COX18: variants seen among roughly 807,000 people sequenced by gnomAD.
The protein encoded by COX18 is cytochrome c oxidase assembly factor COX18.
Under a neutral mutation model 38.0 loss-of-function variants are expected in COX18, and 45 were observed. The observed-to-expected ratio is 1.18, with a 90% CI of 0.93 to 1.52. COX18 has a LOEUF of 1.52. COX18 is among the 40% of genes most tolerant of loss of function. COX18 has a pLI of 0.00. For synonymous variants in COX18, 177 were observed against 169.8 expected (o/e 1.04, Z -0.33); for missense variants, 462 against 423.8 (o/e 1.09, Z -0.79).
intron 2 of COX18, 100 bp from the exon 3 acceptor site, chr4:73,065,513 C>G (rs1051547831): frequency 1.6e-5 from 17 of 1,039,762 alleles, no homozygotes; most frequent in Non-Finnish European, 2.1e-5. Flanking sequence ...TAGTTATTAG[C>G]TAAAGGATTT....
chr4:73,058,762 T>G (rs1352967145), intron 5 of COX18, among the ~76,000 whole-genome samples: 1 of 152,336 alleles, frequency 6.6e-6, no homozygotes, highest in Middle Eastern at 3.4e-3. Flanking sequence ...GAATGCATTT[T>G]CTTTGCCTTC....
intron 4 of COX18, among the ~76,000 whole-genome samples, chr4:73,063,655 C>A (rs926279681): frequency 6.6e-6 from 1 of 152,206 alleles, no homozygotes; most frequent in African/African-American, 2.4e-5. Flanking sequence ...CTTCTTTCTA[C>A]CAAATATTCA....
At position 73,053,314 on chromosome 4, in the gene COX18, T is replaced by G. The variant is rs1233017130; in HGVS notation, c.*4800A>C. 2 of 151,750 alleles carry G rather than the reference T, an allele frequency of 1.3e-5. No individual in the cohort carries two copies. The highest frequency in any genetic ancestry group is 2.9e-5 in the Non-Finnish European group (2 of 67,988). The allele number at this position is 151,750 out of a possible 1,614,324, so 9.4% of individuals were successfully genotyped here. A position where few individuals can be genotyped will look rare whatever the true frequency, so the allele number is the denominator to read the frequency against. ...AGAATGTAGAGGAGGAGTCAGCCCA[T>G]AAAAGGGAAGAAAGTTTCGTTATTG... On this transcript the variant is annotated 3_prime_UTR_variant, in exon 6 of 6. Transcript: ENST00000507544.
At position 73,069,630 on chromosome 4, in the gene COX18, C is replaced by A. The variant is rs760044421; in HGVS notation, c.20G>T (p.Gly7Val). MLCRLG[G>V]RWLRPLPALQ... ...GGCAGGGAGCGGCCGCAGCCACCGA[C>A]CGCCGAGCCGGCACAGCATTTCTGC... Residue 7 changes from glycine to valine, a missense_variant, in exon 1 of 6, where the codon GGT becomes GTT. By Grantham distance (109) the Gly-to-Val change is moderately radical. Transcript: ENST00000507544. 52 of 1,549,192 alleles carry A rather than the reference C, an allele frequency of 3.4e-5. No individual in the cohort carries two copies. Among genetic ancestry groups the A allele is most frequent in the Non-Finnish European group, 4.4e-5 (51 of 1,152,370 alleles).
At position 73,054,498 on chromosome 4, in the gene COX18, G is replaced by A. The variant is rs959294374; in HGVS notation, c.*3616C>T. ...TACATGGGTTTATCCCAAGATCCCA[G>A]CAACCCCCACTTGTGAGAAATTATT... is the stretch of plus-strand genomic sequence containing the variant. On this transcript the variant is annotated 3_prime_UTR_variant, in exon 6 of 6. Coordinates refer to ENST00000507544, the MANE Select transcript of COX18 (RefSeq NM_001297732.2). 1 of 152,158 alleles carries A rather than the reference G, an allele frequency of 6.6e-6. No individual in the cohort carries two copies. Among genetic ancestry groups the A allele is most frequent in the Non-Finnish European group, 1.5e-5 (1 of 68,030 alleles). 9.4% of individuals were successfully genotyped at this position (152,158 alleles called of 1,614,324 possible).
chr4:73,066,583 C>G (rs1460355759), intron 2 of COX18, among the ~76,000 whole-genome samples: 1 of 152,166 alleles, frequency 6.6e-6, no homozygotes, highest in African/African-American at 2.4e-5. Flanking sequence ...CAGATGTTTC[C>G]TCCTAGAAAG....
In COX18 at chr4:73,069,663, C is replaced by A; in HGVS notation, c.-14G>T. The A allele has an allele frequency of 6.5e-7, 1 of 1,542,342 alleles. No homozygotes were observed. The highest frequency in any genetic ancestry group is 8.7e-7 in the Non-Finnish European group (1 of 1,149,476). On this transcript the variant is annotated 5_prime_UTR_variant, in exon 1 of 6. Transcript: ENST00000507544. ...CCGGCACAGCATTTCTGCACCACGGCGGAGCCCAGATCCCGGGCCTCACAA... is the reference window on the plus strand; with the variant it reads ...CCGGCACAGCATTTCTGCACCACGGAGGAGCCCAGATCCCGGGCCTCACAA...
At position 73,058,011 on chromosome 4, in the gene COX18, G is replaced by A; in HGVS notation, c.*103C>T. The stretch of plus-strand genomic sequence containing the variant: ...ACCTACAATATTTCATGAAGTTAAT[G>A]ATTTTAAATAAAAGGAAATCAAGTA... On this transcript the variant is annotated 3_prime_UTR_variant, in exon 6 of 6. Coordinates refer to ENST00000507544, the MANE Select transcript of COX18 (RefSeq NM_001297732.2). 1.2e-6 allele frequency: 1 copy of A among 847,388 alleles called. No homozygotes were observed. Among genetic ancestry groups the A allele is most frequent in the Non-Finnish European group, 1.9e-6 (1 of 536,196 alleles). 52.5% of individuals were successfully genotyped at this position (847,388 alleles called of 1,614,324 possible).
rs1560466154 is a variant in COX18, at chr4:73,053,249, C to G, written c.*4865G>C. On this transcript the variant is annotated 3_prime_UTR_variant, in exon 6 of 6. Coordinates refer to ENST00000507544, the MANE Select transcript of COX18 (RefSeq NM_001297732.2). ...GCAGCCAGCCTTGGTATGTAACAAA[C>G]CGCACTGCTCATGCACCTAGAAGGT... 1 of 152,092 alleles carries G rather than the reference C, an allele frequency of 6.6e-6. No homozygotes were observed. The highest frequency in any genetic ancestry group is 1.5e-5 in the Non-Finnish European group (1 of 68,048). 9.4% of individuals were successfully genotyped at this position (152,092 alleles called of 1,614,324 possible).
At chr4:73,069,252 A>G in intron 1 of COX18, 65 bp downstream of exon 1, 1 of 1,217,866 alleles carries the variant, frequency 8.2e-7, no homozygotes, top group Non-Finnish European at 1.1e-6. Context: ...CCCTGAGTGA[A>G]TGTCGGCCTT....
At position 73,057,930 on chromosome 4, in the gene COX18, C is replaced by T. The variant is rs1719972847; in HGVS notation, c.*184G>A. ...CAGGTGATCCACCCACCTCGACCTC[C>T]CAAAGTGCTGGGATTACAGGCATGA... On this transcript the variant is annotated 3_prime_UTR_variant, in exon 6 of 6. Transcript: ENST00000507544. 2.8e-6 allele frequency: 1 copy of T among 359,546 alleles called. No homozygotes were observed. Among genetic ancestry groups the T allele is most frequent in the Non-Finnish European group, 5.2e-6 (1 of 194,040 alleles). 22.3% of individuals were successfully genotyped at this position (359,546 alleles called of 1,614,324 possible).
chr4:73,066,087 T>C (rs1720433691), intron 2 of COX18, among the ~76,000 whole-genome samples: 1 of 152,244 alleles, frequency 6.6e-6, no homozygotes, highest in African/African-American at 2.4e-5. Flanking sequence ...TCATATATTT[T>C]GTACAGAGGA....
At chr4:73,064,477 T>C (rs1720330461) in intron 4 of COX18, among the ~76,000 whole-genome samples, 1 of 152,236 alleles carries the variant, frequency 6.6e-6, no homozygotes, top group Non-Finnish European at 1.5e-5. Flanking sequence ...ACTGGGCATC[T>C]TTATTACTGT....
chr4:73,067,885 A>ATATATATATAT (rs1491326498), intron 2 of COX18, 144 bp downstream of exon 2: 13 of 79,772 alleles, frequency 1.6e-4, no homozygotes, highest in Middle Eastern at 0.012. Context: ...ATATATATAT[A>ATATATATATAT]AAAAAAGAAA....
At position 73,065,371 on chromosome 4, in the gene COX18, T is replaced by C. The variant is rs761567275; in HGVS notation, c.477A>G (p.Leu159=). 30 of 1,613,748 alleles carry C rather than the reference T, an allele frequency of 1.9e-5. No homozygotes were observed. Among genetic ancestry groups the C allele is most frequent in the Admixed American group, 8.3e-5 (5 of 59,978 alleles). The change falls in exon 3 of 6, where the codon CTA becomes CTG. Residue 159 remains leucine (L), a synonymous_variant. Coordinates refer to ENST00000507544, the MANE Select transcript of COX18 (RefSeq NM_001297732.2). ...AAGGGTGGCAGTTATCTCGCACATATAGCTCTGAAATTAGCCTCCTCATAT... is the reference window on the plus strand; with the variant it reads ...AAGGGTGGCAGTTATCTCGCACATACAGCTCTGAAATTAGCCTCCTCATAT... ...LKNMRRLISE[L]YVRDNCHPFK...
intron 5 of COX18, among the ~76,000 whole-genome samples, chr4:73,058,781 C>A (rs1720014927): frequency 6.6e-6 from 1 of 152,190 alleles, no homozygotes; most frequent in African/African-American, 2.4e-5. Context: ...TCTTCTGAGA[C>A]AAACAGCCTC....
In COX18 at chr4:73,069,532, C is replaced by T. The variant is rs1161868729; in HGVS notation, c.118G>A (p.Val40Met). The T allele has an allele frequency of 6.3e-7, 1 of 1,580,606 alleles. No individual in the cohort carries two copies. Among genetic ancestry groups the T allele is most frequent in the Admixed American group, 1.8e-5 (1 of 54,594 alleles). ...TSGAKRPTLP[V>M]WAVAPVSAVH... ...GCAGAGACTGGTGCCACTGCCCACA[C>T]TGGGAGAGTGGGGCGCTTGGCGCCG... The change falls in exon 1 of 6, where the codon GTG becomes ATG. Residue 40 changes from valine to methionine, a missense_variant. Val to Met is a conservative substitution (Grantham distance 21). Transcript: ENST00000507544.
At position 73,069,632 on chromosome 4, in the gene COX18, G is replaced by C. The variant is rs770089638; in HGVS notation, c.18C>G (p.Gly6=). ...CAGGGAGCGGCCGCAGCCACCGACC[G>C]CCGAGCCGGCACAGCATTTCTGCAC... MLCRL[G]GRWLRPLPAL... is the part of the protein sequence containing the mutation. The change falls in exon 1 of 6, where the codon GGC becomes GGG. Residue 6 remains glycine, a synonymous_variant. Transcript: ENST00000507544. 3 of 1,549,182 alleles carry C rather than the reference G, an allele frequency of 1.9e-6. No individual in the cohort carries two copies. Among genetic ancestry groups the C allele is most frequent in the Non-Finnish European group, 1.7e-6 (2 of 1,152,404 alleles).
rs1034245306 is a variant in COX18, at chr4:73,058,043, G to A, written c.*71C>T. ...AATAAAAGGAAATCAAGTAACATCT[G>A]AATTTCTAAGTCTAAATACATTTAG... On this transcript the variant is annotated 3_prime_UTR_variant, in exon 6 of 6. Coordinates refer to ENST00000507544, the MANE Select transcript of COX18 (RefSeq NM_001297732.2). The A allele has an allele frequency of 9.6e-6, 10 of 1,036,390 alleles. No individual in the cohort carries two copies. Among genetic ancestry groups the A allele is most frequent in the Non-Finnish European group, 1.4e-5 (10 of 700,198 alleles). The allele number at this position is 1,036,390 out of a possible 1,614,324, so 64.2% of individuals were successfully genotyped here. A position where few individuals can be genotyped will look rare whatever the true frequency, so the allele number is the denominator to read the frequency against.
Sources: gnomAD v4.1 joint callset for allele counts (sites outside exome capture counted in the v4.1 genomes callset) on GRCh38, gnomAD v4.1.1 for gene constraint, MANE v1.5 for transcripts, NCBI Gene and HGNC (gene_info 2026-07-23, HGNC 2026-07-21) for gene names.